EPHA3: variants seen among roughly 807,000 people sequenced by gnomAD.
The protein encoded by EPHA3 is EPH receptor A3.
In EPHA3, 42 loss-of-function variants were observed where a neutral mutation model predicts 107.1. That is an observed-to-expected ratio of 0.39 (90% CI 0.31 to 0.51). The LOEUF (loss-of-function observed/expected upper bound fraction) is 0.51, where lower values mean the gene tolerates loss of function less well. EPHA3 is among the 20% of genes least tolerant of loss of function. The pLI, the probability that EPHA3 is intolerant of heterozygous loss-of-function variation, is 0.78. For synonymous variants in EPHA3, 461 were observed against 424.8 expected (o/e 1.09, Z -1.05); for missense variants, 1,183 against 1,211.2 (o/e 0.98, Z 0.35).
At chr3:89,467,426 T>G (rs1443609998) in intron 15 of EPHA3, among the ~76,000 whole-genome samples, 1 of 152,192 alleles carries the variant, frequency 6.6e-6, no homozygotes, top group African/African-American at 2.4e-5. Context: ...GGCATATACT[T>G]ATTCATTCAA....
At chr3:89,455,009 A>C (rs1448806770) in intron 15 of EPHA3, among the ~76,000 whole-genome samples, 4 of 152,224 alleles carry the variant, frequency 2.6e-5, no homozygotes, top group Non-Finnish European at 5.9e-5. Context: ...AAAATTATAA[A>C]TTAATTAAAA....
chr3:89,203,397 A>G (rs1442973992), intron 2 of EPHA3, among the ~76,000 whole-genome samples: 1 of 151,956 alleles, frequency 6.6e-6, no homozygotes, highest in Non-Finnish European at 1.5e-5. Flanking sequence ...AAGGTATGAG[A>G]CATTTGTCCA....
rs56717904 is a variant in EPHA3 at position 89,357,106 on chromosome 3, C to CAAAAAAA, written c.1306+15040_1306+15046dup. 2.3e-3 allele frequency among the ~76,000 whole-genome samples: 37 copies of CAAAAAAA among 15,998 alleles called. 5 individuals are homozygous for CAAAAAAA. The highest frequency in any genetic ancestry group is 6.8e-3 in the African/African-American group (32 of 4,708). The allele number at this position is 15,998 out of a possible 152,430, so 10.5% of individuals were successfully genotyped here. A position where few individuals can be genotyped will look rare whatever the true frequency, so the allele number is the denominator to read the frequency against. On this transcript the variant is annotated intron_variant, in intron 5 of 16. Transcript: ENST00000336596. The stretch of plus-strand genomic sequence containing the variant: ...CTGGTGAAAGAGTGAGACCCTGTCT[C>CAAAAAAA]AAAAAAAAAAAAAAAAAAAAAAAAA...
rs558040495 is a variant in EPHA3, at chr3:89,274,267, CTTTAAA to C, written c.814+63752_814+63757del. On this transcript the variant is annotated intron_variant, in intron 3 of 16. Coordinates refer to ENST00000336596, the MANE Select transcript of EPHA3 (RefSeq NM_005233.6). ...AATAATTGATGTTTTGTATGCTGTG[CTTTAAA>C]TTTATTTTCATTTTAAAGATTCAAA... 1.6e-4 allele frequency among the ~76,000 whole-genome samples: 24 copies of C among 152,002 alleles called. No individual in the cohort carries two copies. The East Asian group carries it at 4.6e-3, about 29-fold the overall frequency.
Position 89,370,100 on chromosome 3 carries a change from G to A in EPHA3, c.1307-25737G>A, listed in dbSNP as rs543649114. 1.1e-4 allele frequency among the ~76,000 whole-genome samples: 16 copies of A among 150,658 alleles called. 1 individual carries two copies. Among genetic ancestry groups the A allele is most frequent in the African/African-American group, 2.9e-4 (12 of 41,036 alleles). On this transcript the variant is annotated intron_variant, in intron 5 of 16. Coordinates refer to ENST00000336596, the MANE Select transcript of EPHA3 (RefSeq NM_005233.6). ...CAACCATTGTGGAAGTCAGTGTGGC[G>A]ATTCCTCAGGGATCTAGAACTAGAA...
intron 5 of EPHA3, among the ~76,000 whole-genome samples, chr3:89,388,046 A>G (rs1258760735): frequency 6.6e-6 from 1 of 152,192 alleles, no homozygotes; most frequent in Non-Finnish European, 1.5e-5. Flanking sequence ...TTTTTCTCCC[A>G]GCACAATTAA....
chr3:89,357,494 C>T (rs1241103855), intron 5 of EPHA3, among the ~76,000 whole-genome samples: 7 of 151,142 alleles, frequency 4.6e-5, no homozygotes, highest in Non-Finnish European at 8.9e-5. Context: ...TTTAGCTTAT[C>T]ACGCTATTTG....
At chr3:89,215,668 A>G (rs1704206458) in intron 3 of EPHA3, among the ~76,000 whole-genome samples, 1 of 151,916 alleles carries the variant, frequency 6.6e-6, no homozygotes, top group African/African-American at 2.4e-5. Context: ...ACAGGCCTTA[A>G]AAATCACAAG....
At chr3:89,393,605 T>A (rs1449185536) in intron 5 of EPHA3, among the ~76,000 whole-genome samples, 1 of 152,208 alleles carries the variant, frequency 6.6e-6, no homozygotes, top group Non-Finnish European at 1.5e-5. Context: ...TGAAATGCTC[T>A]TGAAACCAAC....
intron 3 of EPHA3, among the ~76,000 whole-genome samples, chr3:89,242,929 G>A (rs182363047): frequency 5.3e-3 from 560 of 105,108 alleles, no homozygotes; most frequent in Middle Eastern, 0.03. Flanking sequence ...AACAGGCCCC[G>A]GTGTGTGATG....
At chr3:89,342,579 A>C (rs1332811451) in intron 5 of EPHA3, among the ~76,000 whole-genome samples, 1 of 152,150 alleles carries the variant, frequency 6.6e-6, no homozygotes, top group Non-Finnish European at 1.5e-5. Flanking sequence ...TAGATTACTT[A>C]TGGATTTTAC....
chr3:89,352,589 A>C (rs566153781), intron 5 of EPHA3, among the ~76,000 whole-genome samples: 2 of 151,132 alleles, frequency 1.3e-5, no homozygotes, highest in Non-Finnish European at 3.0e-5. Context: ...GTAAAATATT[A>C]GAGCCCTTTG....
At chr3:89,436,370 G>T (rs1709670340) in intron 13 of EPHA3, among the ~76,000 whole-genome samples, 2 of 152,138 alleles carry the variant, frequency 1.3e-5, no homozygotes, top group South Asian at 4.1e-4. Flanking sequence ...GCATTAAAAA[G>T]TCAGTCACAT....
At chr3:89,300,213 A>AT (rs1046293315) in intron 3 of EPHA3, among the ~76,000 whole-genome samples, 4 of 151,988 alleles carry the variant, frequency 2.6e-5, no homozygotes, top group Middle Eastern at 3.4e-3. Context: ...ATGGATTATT[A>AT]TTTTTTTAAT....
chr3:89,277,938 G>A (rs1348201472), intron 3 of EPHA3, among the ~76,000 whole-genome samples: 1 of 152,096 alleles, frequency 6.6e-6, no homozygotes, highest in Non-Finnish European at 1.5e-5. Context: ...TCTCATACCA[G>A]AGTCAGGAGG....
chr3:89,405,257 C>T (rs1184558964), intron 7 of EPHA3, among the ~76,000 whole-genome samples: 1 of 152,098 alleles, frequency 6.6e-6, no homozygotes, highest in Non-Finnish European at 1.5e-5. Flanking sequence ...ACAGATCACC[C>T]ATTTGAGGAG....
rs1704109230 is a variant in EPHA3, at chr3:89,126,966, A to G, written c.89-243A>G. On this transcript the variant is annotated intron_variant, in intron 1 of 16. Coordinates refer to ENST00000336596, the MANE Select transcript of EPHA3 (RefSeq NM_005233.6). ...ATGCCAGAAATTGCCAGTATATTGA[A>G]CATTAACCTATCCTTGTAAACAAAT... 4.6e-5 allele frequency among the ~76,000 whole-genome samples: 7 copies of G among 151,986 alleles called. No individual in the cohort carries two copies. The South Asian group carries it at 1.5e-3, about 32-fold the overall frequency.
chr3:89,206,184 TG>T lies in EPHA3; in HGVS notation c.154-3675del, dbSNP rs1307513109. Among the ~76,000 whole-genome samples, 4 of 152,316 alleles carry T rather than the reference TG, an allele frequency of 2.6e-5. No homozygotes were observed. The East Asian group carries it at 7.7e-4, about 29-fold the overall frequency. The stretch of plus-strand genomic sequence containing the variant: ...TAATTGCTCCTTGCAACCTTTTATG[TG>T]CAAAGAATGCTGGTTCTGTTTGCAT... On this transcript the variant is annotated intron_variant, in intron 2 of 16. Transcript: ENST00000336596.
chr3:89,296,928 T>C (rs1706367599), intron 3 of EPHA3, among the ~76,000 whole-genome samples: 4 of 152,172 alleles, frequency 2.6e-5, no homozygotes, highest in Non-Finnish European at 5.9e-5. Flanking sequence ...ATTATGCAGA[T>C]AGCTTCTTTC....
Sources: allele counts gnomAD v4.1 joint callset (sites outside exome capture counted in the v4.1 genomes callset), GRCh38; gene constraint gnomAD v4.1.1; transcripts MANE v1.5; gene names NCBI Gene and HGNC (gene_info 2026-07-23, HGNC 2026-07-21).